Variants in TBC1D5 observed in about 807,000 individuals in gnomAD.
TBC1D5 encodes TBC1 domain family, member 5.
A neutral mutation model predicts 100.3 loss-of-function variants in TBC1D5; 75 were observed. The ratio of observed to expected loss-of-function variants is 0.75; its 90% CI spans 0.62 to 0.91. The LOEUF (loss-of-function observed/expected upper bound fraction) is 0.91, where lower values mean the gene tolerates loss of function less well. Among genes scored for constraint, TBC1D5 ranks in the 40% least tolerant of loss-of-function variants. The pLI is 0.00. For synonymous variants in TBC1D5, 323 were observed against 325.6 expected, an observed-to-expected ratio of 0.99 and a Z score of 0.09; for missense variants, 910 against 942.4, an observed-to-expected ratio of 0.97 and a Z score of 0.45.
chr3:17,464,249 T>A (rs557175829), intron 3 of TBC1D5, among the ~76,000 whole-genome samples: 1 of 152,258 alleles, frequency 6.6e-6, no homozygotes, highest in African/African-American at 2.4e-5. Context: ...CATGAGCCAC[T>A]GCGCCTGTCC....
At chr3:17,241,938 C>T (rs568449551) in intron 16 of TBC1D5, among the ~76,000 whole-genome samples, 149 of 152,260 alleles carry the variant, frequency 9.8e-4, no homozygotes, top group Non-Finnish European at 1.5e-3. Flanking sequence ...GATATTCCAA[C>T]CTTAAAAGAA....
intron 1 of TBC1D5, among the ~76,000 whole-genome samples, chr3:17,624,881 A>G (rs1237039523): frequency 2.6e-5 from 4 of 152,126 alleles, no homozygotes; most frequent in Admixed American, 6.5e-5. Flanking sequence ...AACTTTTATG[A>G]CAAGACGCCA....
intron 3 of TBC1D5, among the ~76,000 whole-genome samples, chr3:17,494,740 C>CG (rs1363830067): frequency 1.3e-5 from 2 of 152,212 alleles, no homozygotes; most frequent in Admixed American, 1.3e-4. Context: ...CTGGCACCAT[C>CG]GGGGAAAACC....
At chr3:17,573,914 A>G (rs1424942551) in intron 2 of TBC1D5, among the ~76,000 whole-genome samples, 1 of 152,100 alleles carries the variant, frequency 6.6e-6, no homozygotes, top group African/African-American at 2.4e-5. Flanking sequence ...ATTGGAAAGA[A>G]TCATATTTTA....
intron 18 of TBC1D5, among the ~76,000 whole-genome samples, chr3:17,209,195 T>C (rs2072633761): frequency 6.6e-6 from 1 of 152,266 alleles, no homozygotes; most frequent in South Asian, 2.1e-4. Flanking sequence ...CATCCCATGC[T>C]GGAGTGCAGT....
chr3:17,465,764 T>A (rs2095290793), intron 3 of TBC1D5, among the ~76,000 whole-genome samples: 1 of 152,196 alleles, frequency 6.6e-6, no homozygotes, highest in African/African-American at 2.4e-5. Context: ...CTGAGAAATA[T>A]TTCAAGAAGC....
chr3:17,655,710 G>T (rs1299344120), intron 1 of TBC1D5, among the ~76,000 whole-genome samples: 1 of 151,862 alleles, frequency 6.6e-6, no homozygotes, highest in African/African-American at 2.4e-5. Flanking sequence ...ATGCTCATTG[G>T]AACAAATATT....
chr3:17,713,183 G>GA (rs1577716906), intron 1 of TBC1D5, among the ~76,000 whole-genome samples: 3 of 151,028 alleles, frequency 2.0e-5, no homozygotes, highest in African/African-American at 2.4e-5. Context: ...AATAACAACA[G>GA]AAAAAATAGA....
At chr3:17,277,819 G>T (rs1035128050) in intron 15 of TBC1D5, among the ~76,000 whole-genome samples, 10 of 152,292 alleles carry the variant, frequency 6.6e-5, no homozygotes, top group Admixed American at 1.3e-4. Context: ...CAGGGGGCTA[G>T]GTCTTGGCTC....
At chr3:17,601,457 G>A (rs1209290284) in intron 2 of TBC1D5, among the ~76,000 whole-genome samples, 1 of 152,232 alleles carries the variant, frequency 6.6e-6, no homozygotes, top group African/African-American at 2.4e-5. Flanking sequence ...GTTGTGGTGA[G>A]CCGAGATTGC....
intron 13 of TBC1D5, among the ~76,000 whole-genome samples, chr3:17,364,327 C>A (rs539518294): frequency 6.6e-6 from 1 of 152,120 alleles, no homozygotes; most frequent in African/African-American, 2.4e-5. Context: ...CTCATGTACT[C>A]AAAAATTATT....
intron 1 of TBC1D5, among the ~76,000 whole-genome samples, chr3:17,716,054 A>AAAAAAAG (rs1172181757): frequency 1.3e-5 from 2 of 152,142 alleles, no homozygotes; most frequent in African/African-American, 4.8e-5. Context: ...TTCCATCTCA[A>AAAAAAAG]AAAAAAGAAA....
At chr3:17,659,232 G>A (rs1448126160) in intron 1 of TBC1D5, among the ~76,000 whole-genome samples, 1 of 152,162 alleles carries the variant, frequency 6.6e-6, no homozygotes, top group Non-Finnish European at 1.5e-5. Flanking sequence ...ATTTGTGTGA[G>A]CACATGGATC....
chr3:17,260,687 AC>A (rs781166703), intron 15 of TBC1D5, among the ~76,000 whole-genome samples: 2 of 152,234 alleles, frequency 1.3e-5, no homozygotes, highest in African/African-American at 2.4e-5. Context: ...AAATATACAG[AC>A]ATATAGATGG....
At chr3:17,343,150 T>G (rs967423034) in intron 13 of TBC1D5, among the ~76,000 whole-genome samples, 63 of 152,216 alleles carry the variant, frequency 4.1e-4, no homozygotes, top group Admixed American at 2.2e-3. Context: ...CATCAATACC[T>G]AATTTATTGA....
chr3:17,610,739 G>A (rs190255901), intron 2 of TBC1D5, among the ~76,000 whole-genome samples: 40 of 152,236 alleles, frequency 2.6e-4, no homozygotes, highest in African/African-American at 4.6e-4. Flanking sequence ...AAATTGGGCC[G>A]GACGTGGAGG....
chr3:17,643,852 T>A (rs190257865), intron 1 of TBC1D5, among the ~76,000 whole-genome samples: 1 of 152,112 alleles, frequency 6.6e-6, no homozygotes, highest in East Asian at 1.9e-4. Context: ...TCACGATGCA[T>A]ATTTAAGGTT....
At chr3:17,275,667 T>C (rs936492428) in intron 15 of TBC1D5, among the ~76,000 whole-genome samples, 10 of 152,282 alleles carry the variant, frequency 6.6e-5, no homozygotes, top group African/African-American at 2.4e-4. Flanking sequence ...CCTTATATGT[T>C]TAATATATAT....
intron 19 of TBC1D5, among the ~76,000 whole-genome samples, chr3:17,178,139 C>T (rs982711931): frequency 1.2e-4 from 18 of 150,044 alleles, no homozygotes; most frequent in Non-Finnish European, 2.1e-4. Flanking sequence ...GATCTCGGCT[C>T]ACTGCAAGCT....
Sources: gnomAD v4.1 joint callset for allele counts (sites outside exome capture counted in the v4.1 genomes callset) on GRCh38, gnomAD v4.1.1 for gene constraint, MANE v1.5 for transcripts, NCBI Gene and HGNC (gene_info 2026-07-23, HGNC 2026-07-21) for gene names.